Variants in MINAR1 observed in about 807,000 individuals in gnomAD.
MINAR1 encodes membrane integral NOTCH2 associated receptor 1.
In MINAR1, 40 loss-of-function variants were observed where a neutral mutation model predicts 65.1. That is an observed-to-expected ratio of 0.61 (90% CI 0.48 to 0.80). MINAR1 has a LOEUF of 0.80. Among genes scored for constraint, MINAR1 ranks in the 30% least tolerant of loss-of-function variants. The pLI is 0.00. For synonymous variants in MINAR1, 482 were observed against 449.1 expected, an observed-to-expected ratio of 1.07 and a Z score of -0.93; for missense variants, 1,128 against 1,148.0, an observed-to-expected ratio of 0.98 and a Z score of 0.25.
intron 3 of MINAR1, among the ~76,000 whole-genome samples, chr15:79,464,616 T>C (rs900175217): frequency 6.6e-6 from 1 of 152,236 alleles, no homozygotes; most frequent in African/African-American, 2.4e-5. Flanking sequence ...TGGAGTTTTA[T>C]GTTACAAAAG....
At chr15:79,449,884 G>A (rs550149875) in intron 1 of MINAR1, among the ~76,000 whole-genome samples, 89 of 152,224 alleles carry the variant, frequency 5.8e-4, no homozygotes, top group African/African-American at 2.0e-3. Flanking sequence ...TCTGCCTAGA[G>A]TACCTACCCT....
rs1325756001 is a variant in MINAR1, at chr15:79,469,915, G to C, written c.*1531G>C. 6.6e-6 allele frequency: 1 copy of C among 152,598 alleles called. No homozygotes were observed. Among genetic ancestry groups the C allele is most frequent in the African/African-American group, 2.4e-5 (1 of 41,434 alleles). The allele number at this position is 152,598 out of a possible 1,614,324, so 9.5% of individuals were successfully genotyped here. On this transcript the variant is annotated 3_prime_UTR_variant, in exon 4 of 4. Coordinates refer to ENST00000305428, the MANE Select transcript of MINAR1 (RefSeq NM_015206.3). ...GAGCATCTCAATTTTTAAAGCAATA[G>C]GAGTCTAGCATCCATTCTGAAAAAT...
Position 79,458,163 on chromosome 15 carries a change from A to G in MINAR1, c.2016A>G (p.Gly672=), listed in dbSNP as rs1406425187. 1 of 1,614,034 alleles carries G rather than the reference A, an allele frequency of 6.2e-7. No individual in the cohort carries two copies. The highest frequency in any genetic ancestry group is 8.5e-7 in the Non-Finnish European group (1 of 1,180,050). The change falls in exon 2 of 4, where the codon GGA becomes GGG. Residue 672 remains glycine (G), a synonymous_variant. Transcript: ENST00000305428. ...RMFHAHSGSH[G]PKLENNPDWC... is the part of the protein sequence containing the mutation. ...TCCACGCACACAGTGGCTCCCACGG[A>G]CCCAAACTAGAGAACAACCCTGACT... is the stretch of plus-strand genomic sequence containing the variant.
chr15:79,416,150 A>G, the MINAR1 span: 52 of 152,364 alleles, frequency 3.4e-4, no homozygotes, highest in Non-Finnish European at 6.3e-4. Flanking sequence ...TGAATATAGC[A>G]TACTTTTCAA....
the MINAR1 span, chr15:79,422,067 G>C: frequency 6.6e-6 from 1 of 152,356 alleles, no homozygotes; most frequent in Non-Finnish European, 1.5e-5. Flanking sequence ...CTAAGTGAAT[G>C]CTGAAACAGC....
intron 3 of MINAR1, among the ~76,000 whole-genome samples, chr15:79,464,352 A>G (rs1308137083): frequency 1.3e-5 from 2 of 152,270 alleles, no homozygotes; most frequent in African/African-American, 2.4e-5. Context: ...GGGCTGGTCA[A>G]TGATGCTGAA....
At chr15:79,464,452 T>A (rs1895767144) in intron 3 of MINAR1, among the ~76,000 whole-genome samples, 1 of 152,188 alleles carries the variant, frequency 6.6e-6, no homozygotes, top group Non-Finnish European at 1.5e-5. Flanking sequence ...CATCTTCAGT[T>A]TACAAATGAG....
In MINAR1 at chr15:79,470,771, CCTGGTA is replaced by C. The variant is rs2141316319; in HGVS notation, c.*2388_*2393del. On this transcript the variant is annotated 3_prime_UTR_variant, in exon 4 of 4. Transcript: ENST00000305428. ...TTGTCACGTAACGGAAACATCTAGACCTGGTAATAATCCAGGAAATTGCAAAATGGA... is the reference window on the plus strand; with the variant it reads ...TTGTCACGTAACGGAAACATCTAGACATAATCCAGGAAATTGCAAAATGGA... The C allele has an allele frequency of 6.6e-6, 1 of 152,298 alleles. No individual in the cohort carries two copies. Among genetic ancestry groups the C allele is most frequent in the African/African-American group, 2.4e-5 (1 of 41,542 alleles). 9.4% of individuals were successfully genotyped at this position (152,298 alleles called of 1,614,324 possible). A position where few individuals can be genotyped will look rare whatever the true frequency, so the allele number is the denominator to read the frequency against.
intron 1 of MINAR1, among the ~76,000 whole-genome samples, chr15:79,434,915 G>A (rs1894552175): frequency 6.6e-6 from 1 of 152,176 alleles, no homozygotes; most frequent in African/African-American, 2.4e-5. Context: ...ACTAGATCAT[G>A]GATTTGTTTC....
chr15:79,459,370 A>T (rs1401779725), intron 2 of MINAR1, among the ~76,000 whole-genome samples: 1 of 152,184 alleles, frequency 6.6e-6, no homozygotes, highest in Non-Finnish European at 1.5e-5. Context: ...CATTGTGCAC[A>T]CATACACTTG....
chr15:79,456,300 C>T lies in MINAR1; in HGVS notation c.153C>T (p.Phe51=), dbSNP rs997931672. Reference sequence around the variant, plus strand: ...TTGCCAAACTGAGAAGTGTGCTCTTCTACACAGCTTGTCTCGATCCCAATT... The same window carrying T: ...TTGCCAAACTGAGAAGTGTGCTCTTTTACACAGCTTGTCTCGATCCCAATT... ...SQLAKLRSVL[F]YTACLDPNFP... The change falls in exon 2 of 4, where the codon TTC becomes TTT. Residue 51 remains phenylalanine (F), a synonymous_variant. Coordinates refer to ENST00000305428, the MANE Select transcript of MINAR1 (RefSeq NM_015206.3). 2 of 1,614,066 alleles carry T rather than the reference C, an allele frequency of 1.2e-6. No homozygotes were observed. The highest frequency in any genetic ancestry group is 1.3e-5 in the African/African-American group (1 of 74,912).
At chr15:79,436,867 C>T (rs1894614795) in intron 1 of MINAR1, among the ~76,000 whole-genome samples, 1 of 152,198 alleles carries the variant, frequency 6.6e-6, no homozygotes, top group Admixed American at 6.5e-5. Flanking sequence ...AACTCTCAGC[C>T]AGTGAGCCCT....
chr15:79,415,801 T>G, the MINAR1 span: 2 of 152,182 alleles, frequency 1.3e-5, no homozygotes, highest in Non-Finnish European at 2.9e-5. Context: ...GAAACAGAAA[T>G]TTTAATTACA....
Position 79,461,553 on chromosome 15 carries a change from G to A in MINAR1, c.2299-1514G>A, listed in dbSNP as rs78795137. Among the ~76,000 whole-genome samples the A allele has an allele frequency of 4.8e-3, 737 of 152,348 alleles. 9 individuals are homozygous for A. Among genetic ancestry groups the A allele is most frequent in the African/African-American group, 0.017 (701 of 41,584 alleles). Reference sequence around the variant, plus strand: ...CAAAAACTGGTGAAGTCTCTTAGAAGATACTTGGCTTTGATGAGTTAGAAA... The same window carrying A: ...CAAAAACTGGTGAAGTCTCTTAGAAAATACTTGGCTTTGATGAGTTAGAAA... On this transcript the variant is annotated intron_variant, in intron 2 of 3. Transcript: ENST00000305428.
chr15:79,437,318 G>A (rs888599589), intron 1 of MINAR1, among the ~76,000 whole-genome samples: 19 of 152,160 alleles, frequency 1.2e-4, no homozygotes, highest in African/African-American at 4.1e-4. Flanking sequence ...GGTATGGGTG[G>A]GTAGTGATTG....
rs976401417 is a variant in MINAR1, at chr15:79,471,811, A to G, written c.*3427A>G. 1.3e-5 allele frequency: 2 copies of G among 152,576 alleles called. No homozygotes were observed. The highest frequency in any genetic ancestry group is 1.9e-4 in the East Asian group (1 of 5,194). The allele number at this position is 152,576 out of a possible 1,614,324, so 9.5% of individuals were successfully genotyped here. ...AAATTTGTGAATGTTGAAATTCAAC[A>G]TGCTTCATATTATAACCAACCTGCA... On this transcript the variant is annotated 3_prime_UTR_variant, in exon 4 of 4. Coordinates refer to ENST00000305428, the MANE Select transcript of MINAR1 (RefSeq NM_015206.3).
chr15:79,426,905 C>A, the MINAR1 span: 1 of 152,228 alleles, frequency 6.6e-6, no homozygotes, highest in Admixed American at 6.5e-5. Flanking sequence ...TTTGTCCCAG[C>A]AATCCATTAT....
At chr15:79,462,672 C>T (rs1300679114) in intron 2 of MINAR1, among the ~76,000 whole-genome samples, 7 of 152,162 alleles carry the variant, frequency 4.6e-5, no homozygotes, top group African/African-American at 9.7e-5. Flanking sequence ...GCATTAATAT[C>T]AGTAGTTAAA....
At chr15:79,428,414 T>C (rs868437485), upstream of MINAR1, among the ~76,000 whole-genome samples, 14 of 104,302 alleles carry the variant, frequency 1.3e-4, no homozygotes, top group Non-Finnish European at 2.2e-4. Context: ...CCCTCCCTCC[T>C]TCCTTCATTC....
Sources: gnomAD v4.1 joint callset for allele counts (sites outside exome capture counted in the v4.1 genomes callset) on GRCh38, gnomAD v4.1.1 for gene constraint, MANE v1.5 for transcripts, NCBI Gene and HGNC (gene_info 2026-07-23, HGNC 2026-07-21) for gene names.